The following GPD1L variants were observed in gnomAD, a reference collection of about 807,000 sequenced individuals.
The protein encoded by GPD1L is glycerol-3-phosphate dehydrogenase 1-like protein.
A neutral mutation model predicts 32.9 loss-of-function variants in GPD1L; 17 were observed. That is an observed-to-expected ratio of 0.52 (90% CI 0.35 to 0.78). GPD1L has a LOEUF of 0.78. Ranked by LOEUF, GPD1L falls within the 30% of genes least tolerant of loss-of-function variation. GPD1L has a pLI of 0.01. For synonymous variants in GPD1L, 187 were observed against 165.9 expected (o/e 1.13, Z -0.98); for missense variants, 361 against 447.8 (o/e 0.81, Z 1.75).
intron 2 of GPD1L, among the ~76,000 whole-genome samples, chr3:32,136,051 T>C (rs1700655959): frequency 6.6e-6 from 1 of 152,198 alleles, no homozygotes. Flanking sequence ...AAGCTAAATG[T>C]TTTGGCTCTT....
At chr3:32,129,621 A>G (rs989830036) in intron 2 of GPD1L, among the ~76,000 whole-genome samples, 10 of 152,198 alleles carry the variant, frequency 6.6e-5, no homozygotes, top group Non-Finnish European at 1.2e-4. Flanking sequence ...ATCCCTGAGC[A>G]TGCCGAATCT....
Position 32,166,487 on chromosome 3 carries a change from C to G in GPD1L, c.*577C>G, listed in dbSNP as rs1215742962. 2 of 157,766 alleles carry G rather than the reference C, an allele frequency of 1.3e-5. No individual in the cohort carries two copies. The highest frequency in any genetic ancestry group is 2.8e-5 in the Non-Finnish European group (2 of 71,652). 9.8% of individuals were successfully genotyped at this position (157,766 alleles called of 1,614,324 possible). On this transcript the variant is annotated 3_prime_UTR_variant, in exon 8 of 8. Coordinates refer to ENST00000282541, the MANE Select transcript of GPD1L (RefSeq NM_015141.4). ...ATAATCCACTCATGTATTTCCCCCT[C>G]ACTGCAGTTGTCTGCATTTTTAGCC... is the stretch of plus-strand genomic sequence containing the variant.
At chr3:32,119,351 C>A (rs1256071298) in intron 1 of GPD1L, among the ~76,000 whole-genome samples, 1 of 152,136 alleles carries the variant, frequency 6.6e-6, no homozygotes, top group African/African-American at 2.4e-5. Context: ...TGCACACTTG[C>A]AATCATATGG....
rs765497074 is a variant in GPD1L, at chr3:32,138,705, C to T, written c.344C>T (p.Ala115Val). The change falls in exon 3 of 8, where the codon GCG (alanine) becomes GTG (valine). Residue 115 changes from alanine to valine, a missense_variant. By Grantham distance (64) the Ala-to-Val change is moderately conservative. Transcript: ENST00000282541. ...DEITGRVPKK[A>V]LGITLIKGID... ...ATCACTGGGAGAGTGCCCAAGAAAG[C>T]GCTGGGAATCACCCTCATCAAGGTA... 1.7e-5 allele frequency: 28 copies of T among 1,613,912 alleles called. No individual in the cohort carries two copies. The highest frequency in any genetic ancestry group is 3.3e-5 in the Admixed American group (2 of 59,984).
intron 4 of GPD1L, among the ~76,000 whole-genome samples, chr3:32,141,699 A>G (rs745429097): frequency 2.6e-5 from 4 of 152,210 alleles, no homozygotes; most frequent in Non-Finnish European, 5.9e-5. Flanking sequence ...TTCAAGCACC[A>G]TGAGAAGGTG....
intron 3 of GPD1L, among the ~76,000 whole-genome samples, chr3:32,139,572 C>CCCATGT (rs1700710303): frequency 6.6e-6 from 1 of 152,120 alleles, no homozygotes; most frequent in African/African-American, 2.4e-5. Flanking sequence ...AGGGGTAAGG[C>CCCATGT]CCATGTCGTT....
At chr3:32,115,117 CTGCTGATTGGTCCGTTTTACAGAG>C (rs1366491558) in intron 1 of GPD1L, among the ~76,000 whole-genome samples, 14 of 152,250 alleles carry the variant, frequency 9.2e-5, no homozygotes, top group Non-Finnish European at 2.1e-4. Context: ...TGCCCACAAC[CTGCTGATTGGTCCGTTTTACAGAG>C]TGCTGATTGG....
chr3:32,163,215 C>T (rs1476036180), intron 7 of GPD1L, among the ~76,000 whole-genome samples: 8 of 127,550 alleles, frequency 6.3e-5, no homozygotes, highest in African/African-American at 2.4e-4. Context: ...GTCGCCCAGG[C>T]TGGAGTGCAG....
chr3:32,154,677 A>G (rs1199446436), intron 5 of GPD1L, among the ~76,000 whole-genome samples: 2 of 152,082 alleles, frequency 1.3e-5, no homozygotes, highest in African/African-American at 4.8e-5. Context: ...AAATGAGGTA[A>G]TAATATATGA....
At chr3:32,119,978 C>A (rs4557196) in intron 1 of GPD1L, among the ~76,000 whole-genome samples, 2 of 151,914 alleles carry the variant, frequency 1.3e-5, no homozygotes, top group Non-Finnish European at 1.5e-5. Flanking sequence ...CTAAAATAAT[C>A]AAAAAGGTCA....
chr3:32,119,227 C>T (rs1559569653), intron 1 of GPD1L, among the ~76,000 whole-genome samples: 2 of 152,212 alleles, frequency 1.3e-5, no homozygotes, highest in African/African-American at 4.8e-5. Context: ...TTTTACAAAT[C>T]TACAAACAGT....
chr3:32,126,046 C>G (rs1700502800), intron 1 of GPD1L, among the ~76,000 whole-genome samples: 1 of 152,094 alleles, frequency 6.6e-6, no homozygotes, highest in Non-Finnish European at 1.5e-5. Flanking sequence ...TTTCCTAACT[C>G]TAGGCAGGTG....
At position 32,140,371 on chromosome 3, in the gene GPD1L, G is replaced by T; in HGVS notation, c.505+5G>T. On this transcript the variant is annotated splice_donor_5th_base_variant and intron_variant, in intron 4 of 7. Coordinates refer to ENST00000282541, the MANE Select transcript of GPD1L (RefSeq NM_015141.4). ...AGTTCTGTGAGACCACCATCGGTAA[G>T]CACTGCCTGGGAGGGACCCCAGGAG... The T allele has an allele frequency of 6.2e-7, 1 of 1,614,058 alleles. No homozygotes were observed. The highest frequency in any genetic ancestry group is 8.5e-7 in the Non-Finnish European group (1 of 1,179,970).
At chr3:32,114,223 CA>C (rs1559568003) in intron 1 of GPD1L, among the ~76,000 whole-genome samples, 1 of 152,222 alleles carries the variant, frequency 6.6e-6, no homozygotes, top group Admixed American at 6.5e-5. Context: ...GCCAGCGTGA[CA>C]GGGGTGACCA....
intron 5 of GPD1L, among the ~76,000 whole-genome samples, chr3:32,150,915 C>T (rs1045517073): frequency 7.9e-5 from 12 of 151,870 alleles, no homozygotes; most frequent in Non-Finnish European, 2.9e-5. Flanking sequence ...CACAGTGAGA[C>T]CCCCCGCATC....
intron 3 of GPD1L, 69 bp from the exon 4 acceptor site, chr3:32,140,159 G>C (rs1007998507): frequency 1.0e-5 from 16 of 1,525,196 alleles, no homozygotes; most frequent in Non-Finnish European, 1.5e-5. Flanking sequence ...GTAGCCATGG[G>C]ACATCTACTA....
intron 2 of GPD1L, among the ~76,000 whole-genome samples, chr3:32,135,653 A>T (rs1482955760): frequency 2.0e-5 from 3 of 152,030 alleles, no homozygotes; most frequent in African/African-American, 7.2e-5. Flanking sequence ...GGGTTTTGCC[A>T]TGTTGGCCAG....
At chr3:32,147,026 G>C (rs572314677) in intron 5 of GPD1L, among the ~76,000 whole-genome samples, 2 of 152,174 alleles carry the variant, frequency 1.3e-5, no homozygotes, top group African/African-American at 4.8e-5. Flanking sequence ...TGATGACAGG[G>C]TTTCACCCAG....
chr3:32,158,610 G>A (rs2125497618), intron 5 of GPD1L: 1 of 622,778 alleles, frequency 1.6e-6, no homozygotes, highest in East Asian at 2.8e-5. Flanking sequence ...ACTACTATCA[G>A]CCGTTCTGAT....
Sources: gnomAD v4.1 joint callset for allele counts (sites outside exome capture counted in the v4.1 genomes callset) on GRCh38, gnomAD v4.1.1 for gene constraint, MANE v1.5 for transcripts, NCBI Gene and HGNC (gene_info 2026-07-23, HGNC 2026-07-21) for gene names.